OTOG: variants seen among roughly 807,000 people sequenced by gnomAD.
The protein encoded by OTOG is otogelin.
A neutral mutation model predicts 313.8 loss-of-function variants in OTOG; 296 were observed. That is an observed-to-expected ratio of 0.94 (90% CI 0.86 to 1.04). OTOG has a LOEUF of 1.04. Among genes scored for constraint, OTOG ranks in the 50% least tolerant of loss-of-function variants. The pLI is 0.00. For missense variants in OTOG, 3,948 were observed against 3,840.1 expected (o/e 1.03, Z -0.74); for synonymous variants, 1,533 against 1,554.9 (o/e 0.99, Z 0.33).
chr11:17,616,131 C>T (rs1195332994), intron 39 of OTOG, among the ~76,000 whole-genome samples: 1 of 151,976 alleles, frequency 6.6e-6, no homozygotes, highest in African/African-American at 2.4e-5. Flanking sequence ...GCAATGATAG[C>T]TTACTGCAGC....
chr11:17,558,038 ACC>A, intron 8 of OTOG, 145 bp from the exon 9 acceptor site: 1 of 1,051,708 alleles, frequency 9.5e-7, no homozygotes. Flanking sequence ...CAGTTGGGAA[ACC>A]CTGATTGGGA....
intron 32 of OTOG, 87 bp downstream of exon 32, chr11:17,602,464 G>A: frequency 7.1e-7 from 1 of 1,402,210 alleles, no homozygotes; most frequent in Non-Finnish European, 9.5e-7. Context: ...CTAAGTATCT[G>A]TAGTGGCCGG....
At chr11:17,638,394 G>A in intron 47 of OTOG, 57 bp from the exon 48 acceptor site, 1 of 1,393,208 alleles carries the variant, frequency 7.2e-7, no homozygotes. Context: ...CCCTTCTGAG[G>A]ATTCACATCC....
intron 39 of OTOG, among the ~76,000 whole-genome samples, chr11:17,616,934 C>A (rs1853735771): frequency 6.6e-6 from 1 of 152,194 alleles, no homozygotes; most frequent in Non-Finnish European, 1.5e-5. Context: ...CTTGTCTGAT[C>A]TTAGGGAGAA....
At position 17,645,902 on chromosome 11, in the gene OTOG, T is replaced by C. The variant is rs2133729664; in HGVS notation, c.8700T>C (p.Tyr2900=). The C allele has an allele frequency of 6.4e-7, 1 of 1,550,390 alleles. No homozygotes were observed. The highest frequency in any genetic ancestry group is 8.7e-7 in the Non-Finnish European group (1 of 1,146,990). ...CCACCAATGCCACCTGGGTGCCCTA[T>C]ACAGTGCAGGAGCCCACCGACTGTG... The part of the protein sequence containing the change: ...FCATNATWVP[Y]TVQEPTDCAC... Residue 2900 remains tyrosine, a synonymous_variant, in exon 56 of 56, where the codon TAT becomes TAC. Coordinates refer to ENST00000399397, the MANE Select transcript of OTOG (RefSeq NM_001292063.2).
intron 31 of OTOG, among the ~76,000 whole-genome samples, chr11:17,601,228 G>A (rs1344069318): frequency 6.6e-6 from 1 of 152,178 alleles, no homozygotes; most frequent in Non-Finnish European, 1.5e-5. Flanking sequence ...TGTGTGCCAT[G>A]CTCCAAGAGC....
At chr11:17,618,179 G>T (rs1408974850) in intron 39 of OTOG, among the ~76,000 whole-genome samples, 1 of 152,200 alleles carries the variant, frequency 6.6e-6, no homozygotes, top group African/African-American at 2.4e-5. Flanking sequence ...GGGATTACAG[G>T]CGTGAGCCAC....
Position 17,557,224 on chromosome 11 carries a change from G to C in OTOG, c.766G>C (p.Ala256Pro). 2.6e-6 allele frequency: 4 copies of C among 1,550,646 alleles called. No homozygotes were observed. The highest frequency in any genetic ancestry group is 3.5e-6 in the Non-Finnish European group (4 of 1,147,010). ...AFTLAWDGAS[A>P]VYIKMSPELL... Reference sequence around the variant, plus strand: ...CACACTGGCCTGGGATGGTGCCTCGGCTGTCTACATCAAGATGAGTCCAGA... The same window carrying C: ...CACACTGGCCTGGGATGGTGCCTCGCCTGTCTACATCAAGATGAGTCCAGA... Residue 256 changes from alanine to proline, a missense_variant, in exon 8 of 56, where the codon GCT (alanine) becomes CCT (proline). Ala to Pro is a conservative substitution (Grantham distance 27, BLOSUM62 -1). Coordinates refer to ENST00000399397, the MANE Select transcript of OTOG (RefSeq NM_001292063.2).
In OTOG at chr11:17,640,831, G is replaced by A; in HGVS notation, c.8011+11G>A. 2 of 1,550,248 alleles carry A rather than the reference G, an allele frequency of 1.3e-6. No individual in the cohort carries two copies. The highest frequency in any genetic ancestry group is 1.7e-6 in the Non-Finnish European group (2 of 1,146,990). ...CCAAGTACGAGTGTGGTGAGTGGGG[G>A]AAGCCTCGGGGCAGAGCCATGCAGG... On this transcript the variant is annotated intron_variant, in intron 50 of 55. Coordinates refer to ENST00000399397, the MANE Select transcript of OTOG (RefSeq NM_001292063.2).
chr11:17,576,991 C>T, intron 22 of OTOG, 80 bp downstream of exon 22: 1 of 1,397,824 alleles, frequency 7.2e-7, no homozygotes, highest in Non-Finnish European at 9.7e-7. Flanking sequence ...ACTGATCAGG[C>T]TGTGGCAAGC....
chr11:17,588,948 C>T (rs1852868866), intron 24 of OTOG, among the ~76,000 whole-genome samples: 2 of 152,128 alleles, frequency 1.3e-5, no homozygotes, highest in Admixed American at 1.3e-4. Flanking sequence ...TGATCCCTAC[C>T]ACCTCTCTGC....
chr11:17,609,515 T>A, intron 35 of OTOG, 140 bp from the exon 36 acceptor site: 1 of 816,242 alleles, frequency 1.2e-6, no homozygotes, highest in Non-Finnish European at 1.9e-6. Context: ...CCAGACCTGC[T>A]GACATCTGGC....
rs569868611 is a variant in OTOG at position 17,591,494 on chromosome 11, C to T, written c.2912C>T (p.Ala971Val). ...GSFQCTLHPC[A>V]STCTAYGDRH... The stretch of plus-strand genomic sequence containing the variant: ...TTCCAGTGCACCCTGCACCCTTGCG[C>T]CTCCACCTGCACTGCCTATGGGGAC... The change falls in exon 25 of 56, where the codon GCC becomes GTC. Residue 971 changes from alanine (A) to valine (V), a missense_variant. Ala to Val is a moderately conservative substitution (Grantham distance 64, BLOSUM62 0). Coordinates refer to ENST00000399397, the MANE Select transcript of OTOG (RefSeq NM_001292063.2). The T allele has an allele frequency of 7.1e-6, 11 of 1,550,712 alleles. No individual in the cohort carries two copies. Among genetic ancestry groups the T allele is most frequent in the Non-Finnish European group, 9.6e-6 (11 of 1,147,034 alleles).
At chr11:17,612,043 C>T (rs1003524798) in intron 36 of OTOG, 119 bp from the exon 37 acceptor site, 2 of 1,268,578 alleles carry the variant, frequency 1.6e-6, no homozygotes, top group Middle Eastern at 1.9e-4. Context: ...GCCTCTTTCC[C>T]TAGAAGGTCC....
In OTOG at chr11:17,627,150, C is replaced by T. The variant is rs557304461; in HGVS notation, c.6529-1983C>T. ...ATTGCTCTAGGTAGGACTTCTAATA[C>T]TATGTTGGATAACAGTGGTGAAAGT... is the stretch of plus-strand genomic sequence containing the variant. On this transcript the variant is annotated intron_variant, in intron 39 of 55. Transcript: ENST00000399397. 7.2e-4 allele frequency among the ~76,000 whole-genome samples: 110 copies of T among 152,290 alleles called. 2 individuals carry two copies. Among genetic ancestry groups the T allele is most frequent in the African/African-American group, 2.4e-3 (100 of 41,572 alleles).
rs763582252 is a variant in OTOG at position 17,629,226 on chromosome 11, T to G, written c.6622T>G (p.Ser2208Ala). 3.4e-5 allele frequency: 53 copies of G among 1,550,468 alleles called. No individual in the cohort carries two copies. The highest frequency in any genetic ancestry group is 4.5e-5 in the Non-Finnish European group (52 of 1,147,012). Residue 2208 changes from serine (S) to alanine (A), a missense_variant, in exon 40 of 56, where the codon TCA (serine) becomes GCA (alanine). Coordinates refer to ENST00000399397, the MANE Select transcript of OTOG (RefSeq NM_001292063.2). ...CCACATGTACATGATCCTGACTCCC[T>G]CAGACATCCAGATCCAGTGGCTCCA... ...TGHMYMILTP[S>A]DIQIQWLHSS...
chr11:17,591,560 T>G lies in OTOG; in HGVS notation c.2978T>G (p.Val993Gly). 1 of 1,550,630 alleles carries G rather than the reference T, an allele frequency of 6.4e-7. No homozygotes were observed. The highest frequency in any genetic ancestry group is 8.7e-7 in the Non-Finnish European group (1 of 1,147,008). ...TTTGATGGGCTCCCGTTTGACTTCG[T>G]GGGGGCATGCAAAGTGCACCTGGTC... Reference protein sequence around the residue: ...RTFDGLPFDFVGACKVHLVKS... With the variant: ...RTFDGLPFDFGGACKVHLVKS... Residue 993 changes from valine to glycine, a missense_variant, in exon 25 of 56, where the codon GTG becomes GGG. Physicochemically the swap from Val to Gly is moderately radical, Grantham distance 109. Transcript: ENST00000399397.
At position 17,593,532 on chromosome 11, in the gene OTOG, A is replaced by G. The variant is rs1284043848; in HGVS notation, c.3142-78A>G. ...TATGAGGGAGGCAGAGGCATTGGTG[A>G]GGGCCTGGCTGCAGGCATAGCTGAC... On this transcript the variant is annotated intron_variant, in intron 26 of 55. Transcript: ENST00000399397. 4 of 1,518,126 alleles carry G rather than the reference A, an allele frequency of 2.6e-6. No individual in the cohort carries two copies. The African/African-American group carries it at 4.1e-5, about 16-fold the overall frequency. 94.0% of individuals were successfully genotyped at this position (1,518,126 alleles called of 1,614,324 possible).
intron 39 of OTOG, among the ~76,000 whole-genome samples, chr11:17,620,693 A>G (rs192328654): frequency 2.1e-3 from 327 of 152,106 alleles, no homozygotes; most frequent in Middle Eastern, 0.01. Flanking sequence ...CAATTTGGTT[A>G]TGATAGGCCT....
Sources: allele counts gnomAD v4.1 joint callset (sites outside exome capture counted in the v4.1 genomes callset), GRCh38; gene constraint gnomAD v4.1.1; transcripts MANE v1.5; gene names NCBI Gene and HGNC (gene_info 2026-07-23, HGNC 2026-07-21).